The following SPINK13 variants were observed in gnomAD, a reference collection of about 807,000 sequenced individuals.
SPINK13 encodes the protein serine protease inhibitor Kazal-type 13.
SPINK13 carries 11 observed loss-of-function variants against 11.0 expected under a neutral mutation model. The ratio of observed to expected loss-of-function variants is 1.00; its 90% confidence interval spans 0.63 to 1.65. The LOEUF (loss-of-function observed/expected upper bound fraction) is 1.65, where lower values mean the gene tolerates loss of function less well. Among genes scored for constraint, SPINK13 ranks in the 40% most tolerant of loss-of-function variants. The probability of loss-of-function intolerance (pLI) is 0.00; values close to 1 mark genes in which losing one functional copy is unlikely to be tolerated. For synonymous variants in SPINK13, 31 were observed against 35.6 expected (o/e 0.87, Z 0.46); for missense variants, 113 against 117.7 (o/e 0.96, Z 0.19).
At chr5:148,276,518 C>T (rs763090257) in intron 3 of SPINK13, among the ~76,000 whole-genome samples, 5 of 152,140 alleles carry the variant, frequency 3.3e-5, no homozygotes, top group Admixed American at 1.3e-4. Flanking sequence ...TGGCATGTGG[C>T]TAGCCAGTTT....
intron 2 of SPINK13, among the ~76,000 whole-genome samples, chr5:148,271,140 C>T (rs1239388695): frequency 6.6e-6 from 1 of 152,220 alleles, no homozygotes; most frequent in Non-Finnish European, 1.5e-5. Context: ...ATTTCCAGAT[C>T]ATCCTTAAAT....
intron 3 of SPINK13, among the ~76,000 whole-genome samples, chr5:148,281,738 T>TC (rs1349164602): frequency 6.6e-6 from 1 of 151,650 alleles, no homozygotes; most frequent in Non-Finnish European, 1.5e-5. Flanking sequence ...TCAGCTATCT[T>TC]GCCTGCAGTT....
At chr5:148,274,783 T>C (rs558113589) in intron 3 of SPINK13, among the ~76,000 whole-genome samples, 25 of 152,258 alleles carry the variant, frequency 1.6e-4, no homozygotes, top group Non-Finnish European at 2.4e-4. Flanking sequence ...TAAAGCAGAA[T>C]AGAAGGATTC....
At chr5:148,282,048 G>A (rs1310166425) in intron 3 of SPINK13, 56 bp from the exon 4 acceptor site, 7 of 1,599,906 alleles carry the variant, frequency 4.4e-6, no homozygotes, top group Non-Finnish European at 6.0e-6. Context: ...GTGACAGGAA[G>A]AAATAGATGG....
At position 148,270,060 on chromosome 5, in the gene SPINK13, TATATG is replaced by T. The variant is rs1476182648; in HGVS notation, c.-11_-7del. 6.2e-7 allele frequency: 1 copy of T among 1,613,738 alleles called. No homozygotes were observed. Among genetic ancestry groups the T allele is most frequent in the Non-Finnish European group, 8.5e-7 (1 of 1,179,812 alleles). The stretch of plus-strand genomic sequence containing the variant: ...CACAGGCCTTATCAAAGAAGAGTCT[TATATG>T]AGATCAAATGGCTGCCTTTCCCCAC... On this transcript the variant is annotated 5_prime_UTR_variant, in exon 2 of 5. An upstream start codon of the reference 5' UTR is lost. Coordinates refer to ENST00000398450, the MANE Select transcript of SPINK13 (RefSeq NM_001040129.3).
At chr5:148,284,921 T>C (rs1480476479) in intron 4 of SPINK13, among the ~76,000 whole-genome samples, 1 of 152,220 alleles carries the variant, frequency 6.6e-6, no homozygotes, top group Admixed American at 6.5e-5. Context: ...AAACAGTCCA[T>C]ACTCTTAAAA....
chr5:148,280,674 C>A (rs1457050596), intron 3 of SPINK13, among the ~76,000 whole-genome samples: 1 of 152,160 alleles, frequency 6.6e-6, no homozygotes, highest in Non-Finnish European at 1.5e-5. Flanking sequence ...CAGAGCGGCA[C>A]CTGCCAGATG....
chr5:148,279,897 TC>T (rs1756487853), intron 3 of SPINK13, among the ~76,000 whole-genome samples: 1 of 152,186 alleles, frequency 6.6e-6, no homozygotes, highest in South Asian at 2.1e-4. Flanking sequence ...GGTTCCATTC[TC>T]CCCATCACTT....
intron 2 of SPINK13, among the ~76,000 whole-genome samples, chr5:148,273,416 C>T (rs1756379216): frequency 6.6e-6 from 1 of 151,836 alleles, no homozygotes; most frequent in East Asian, 1.9e-4. Flanking sequence ...AATCCTGATT[C>T]ATTTGGAGTT....
intron 4 of SPINK13, among the ~76,000 whole-genome samples, chr5:148,283,668 CA>C (rs1322807674): frequency 1.3e-5 from 2 of 152,148 alleles, no homozygotes; most frequent in Non-Finnish European, 2.9e-5. Context: ...AACGAGATAC[CA>C]GACTATATAG....
At chr5:148,276,183 T>A (rs76321794) in intron 3 of SPINK13, among the ~76,000 whole-genome samples, 1,777 of 152,288 alleles carry the variant, frequency 0.012, 39 homozygotes, top group African/African-American at 0.038. Context: ...TCCTGTAGAT[T>A]CTAGATATTA....
At chr5:148,285,969 T>C (rs1400284629) in intron 4 of SPINK13, 31 bp from the exon 5 acceptor site, 3 of 1,298,146 alleles carry the variant, frequency 2.3e-6, no homozygotes, top group Non-Finnish European at 2.1e-6. Flanking sequence ...TTCCTTATGA[T>C]ACTAATCTTC....
intron 3 of SPINK13, among the ~76,000 whole-genome samples, chr5:148,278,069 TTATAG>T: frequency 6.6e-6 from 1 of 152,362 alleles, no homozygotes; most frequent in South Asian, 2.1e-4. Flanking sequence ...ATAGAGATGT[TTATAG>T]TATTCTCTGA....
At chr5:148,281,084 GAGGGGA>G (rs1756506106) in intron 3 of SPINK13, among the ~76,000 whole-genome samples, 3 of 152,170 alleles carry the variant, frequency 2.0e-5, no homozygotes, top group African/African-American at 7.2e-5. Flanking sequence ...TTTACACTGT[GAGGGGA>G]AAACCACCTA....
At chr5:148,274,662 T>C (rs1756398696) in intron 3 of SPINK13, among the ~76,000 whole-genome samples, 1 of 152,120 alleles carries the variant, frequency 6.6e-6, no homozygotes, top group Non-Finnish European at 1.5e-5. Flanking sequence ...GGAGGGTCAC[T>C]TGAGGCCAGG....
At chr5:148,277,556 C>A (rs1023218517) in intron 3 of SPINK13, among the ~76,000 whole-genome samples, 2 of 152,126 alleles carry the variant, frequency 1.3e-5, no homozygotes, top group Non-Finnish European at 2.9e-5. Context: ...TGTCATGGTT[C>A]TGTTTACGTG....
At chr5:148,285,209 A>C (rs1399606141) in intron 4 of SPINK13, among the ~76,000 whole-genome samples, 1 of 152,130 alleles carries the variant, frequency 6.6e-6, no homozygotes, top group Non-Finnish European at 1.5e-5. Context: ...TTGTGATGGA[A>C]GTGGCTCACA....
chr5:148,270,127 C>T lies in SPINK13; in HGVS notation c.55C>T (p.His19Tyr). 18 of 1,614,018 alleles carry T rather than the reference C, an allele frequency of 1.1e-5. No individual in the cohort carries two copies. The highest frequency in any genetic ancestry group is 1.4e-5 in the Non-Finnish European group (17 of 1,179,926). Residue 19 changes from histidine to tyrosine, a missense_variant, in exon 2 of 5, where the codon CAT (histidine) becomes TAT (tyrosine). Transcript: ENST00000398450. ...IFFLVCSTLT[H>Y]VAFSGIFNKR... Reference sequence around the variant, plus strand: ...TTTCCTGGTATGCTCTACTTTGACACATGTGGCTTTCTCAGGTGAGTAACC... The same window carrying T: ...TTTCCTGGTATGCTCTACTTTGACATATGTGGCTTTCTCAGGTGAGTAACC...
intron 3 of SPINK13, among the ~76,000 whole-genome samples, chr5:148,279,701 T>A (rs1400102829): frequency 1.3e-5 from 2 of 152,196 alleles, no homozygotes; most frequent in African/African-American, 4.8e-5. Flanking sequence ...TTCTCTCTGG[T>A]TGCCCTTAAC....
Sources: allele counts gnomAD v4.1 joint callset (sites outside exome capture counted in the v4.1 genomes callset), GRCh38; gene constraint gnomAD v4.1.1; transcripts MANE v1.5; gene names NCBI Gene and HGNC (gene_info 2026-07-23, HGNC 2026-07-21).